The following BABAM2 variants were observed in gnomAD, a reference collection of about 807,000 sequenced individuals.
BABAM2 encodes the protein BRISC and BRCA1-A complex member 2.
Under a neutral mutation model 54.7 loss-of-function variants are expected in BABAM2, and 31 were observed. The ratio of observed to expected loss-of-function variants is 0.57; its 90% CI spans 0.43 to 0.77. BABAM2 has a LOEUF of 0.77. BABAM2 is among the 30% of genes least tolerant of loss of function. The pLI is 0.00. For missense variants in BABAM2, 364 were observed against 455.8 expected (o/e 0.80, Z 1.83); for synonymous variants, 167 against 162.9 (o/e 1.03, Z -0.19).
chr2:27,890,150 C>CACT (rs1664695210), upstream of BABAM2: 1 of 980,450 alleles, frequency 1.0e-6, no homozygotes, highest in African/African-American at 1.6e-5. This position sits in a 1 kb window ranked among gnomAD's most constrained non-coding sequence, Gnocchi z 4.8. Flanking sequence ...CCAAAGCTAG[C>CACT]ACTGTCTATC....
At chr2:28,323,342 G>A (rs760733044) in intron 11 of BABAM2, among the ~76,000 whole-genome samples, 27 of 152,202 alleles carry the variant, frequency 1.8e-4, no homozygotes, top group Admixed American at 6.5e-4. Flanking sequence ...GACCCGTGCA[G>A]CACCTCTGAT....
At chr2:28,109,730 T>C (rs1292212470) in intron 6 of BABAM2, among the ~76,000 whole-genome samples, 1 of 152,208 alleles carries the variant, frequency 6.6e-6, no homozygotes, top group Non-Finnish European at 1.5e-5. Context: ...CCGGGGTATA[T>C]GGACGTGACC....
rs191184438 is a variant in BABAM2, at chr2:28,116,220, C to T, written c.571-13051C>T. Reference sequence around the variant, plus strand: ...GGCTGGGAGAAATATATGGTATTTACACTGGTTCTCAGAGCTCATTTTCTG... The same window carrying T: ...GGCTGGGAGAAATATATGGTATTTATACTGGTTCTCAGAGCTCATTTTCTG... On this transcript the variant is annotated intron_variant, in intron 6 of 11. Transcript: ENST00000379624. Among the ~76,000 whole-genome samples the T allele has an allele frequency of 3.9e-5, 6 of 152,230 alleles. No individual in the cohort carries two copies. In the East Asian group the frequency reaches 1.2e-3, roughly 29 times the overall value.
chr2:28,077,566 G>A (rs754586730), intron 6 of BABAM2, among the ~76,000 whole-genome samples: 10 of 152,164 alleles, frequency 6.6e-5, no homozygotes, highest in Non-Finnish European at 1.5e-4. Context: ...GAAGATTACA[G>A]TTAGGGTTTT....
At chr2:27,928,256 C>T (rs113488131) in intron 2 of BABAM2, among the ~76,000 whole-genome samples, 4,724 of 152,072 alleles carry the variant, frequency 0.031, 103 homozygotes, top group South Asian at 0.1. Context: ...CCTCGTGATC[C>T]GCCTGCCTCA....
At chr2:28,245,424 A>G (rs1682829391) in intron 10 of BABAM2, among the ~76,000 whole-genome samples, 1 of 152,206 alleles carries the variant, frequency 6.6e-6, no homozygotes, top group African/African-American at 2.4e-5. Context: ...TAATGTTTTA[A>G]TGTATCCCCA....
intron 11 of BABAM2, among the ~76,000 whole-genome samples, chr2:28,319,395 A>G (rs949855801): frequency 6.6e-6 from 1 of 152,224 alleles, no homozygotes; most frequent in African/African-American, 2.4e-5. Context: ...CACAGGCTCA[A>G]TTTCAGCCCC....
intron 4 of BABAM2, among the ~76,000 whole-genome samples, chr2:28,005,983 T>C (rs993287381): frequency 1.7e-4 from 26 of 152,162 alleles, no homozygotes; most frequent in Admixed American, 1.6e-3. Flanking sequence ...TTGACAGTAA[T>C]TCCCTAGCAT....
At chr2:28,268,600 A>G (rs376147078) in intron 10 of BABAM2, among the ~76,000 whole-genome samples, 20 of 152,238 alleles carry the variant, frequency 1.3e-4, no homozygotes, top group East Asian at 7.7e-4. Context: ...TATTAGTTCT[A>G]AGAATGTGAC....
chr2:27,898,666 CTAAG>C lies in BABAM2; in HGVS notation c.128+3984_128+3987del, dbSNP rs551741792. On this transcript the variant is annotated intron_variant, in intron 2 of 11. Coordinates refer to ENST00000379624, the MANE Select transcript of BABAM2 (RefSeq NM_199191.3). ...CATGATGAACCTTGAAAACATTGTG[CTAAG>C]TGAGAGAAGCTCATTACAAAAGGTC... is the stretch of plus-strand genomic sequence containing the variant. Among the ~76,000 whole-genome samples the C allele has an allele frequency of 2.5e-3, 385 of 152,190 alleles. 1 individual carries two copies. Among genetic ancestry groups the C allele is most frequent in the African/African-American group, 8.8e-3 (364 of 41,504 alleles).
At chr2:27,975,439 A>G (rs931340679) in intron 3 of BABAM2, among the ~76,000 whole-genome samples, 1 of 152,122 alleles carries the variant, frequency 6.6e-6, no homozygotes, top group East Asian at 1.9e-4. Flanking sequence ...AAATATGGTC[A>G]ATGATTTTCC....
At chr2:28,336,191 A>G (rs868514515) in intron 11 of BABAM2, among the ~76,000 whole-genome samples, 2 of 152,152 alleles carry the variant, frequency 1.3e-5, no homozygotes, top group Admixed American at 1.3e-4. Flanking sequence ...GTGCCATCGA[A>G]AGATAAGACA....
At chr2:27,925,123 CT>C (rs1214900679) in intron 2 of BABAM2, among the ~76,000 whole-genome samples, 1 of 152,160 alleles carries the variant, frequency 6.6e-6, no homozygotes, top group African/African-American at 2.4e-5. Context: ...CTTCATACCC[CT>C]GTCCCCCATT....
At chr2:28,173,058 C>A (rs917039075) in intron 7 of BABAM2, among the ~76,000 whole-genome samples, 1 of 152,086 alleles carries the variant, frequency 6.6e-6, no homozygotes, top group Non-Finnish European at 1.5e-5. Context: ...AGACACTAAT[C>A]CCATTGAACC....
chr2:27,937,061 C>T (rs894846999), intron 3 of BABAM2, among the ~76,000 whole-genome samples: 1 of 151,992 alleles, frequency 6.6e-6, no homozygotes, highest in Admixed American at 6.6e-5. Flanking sequence ...CTCTTATATG[C>T]ACTGGGAAAC....
intron 2 of BABAM2, among the ~76,000 whole-genome samples, chr2:27,920,171 A>G (rs923771133): frequency 1.3e-5 from 2 of 152,124 alleles, no homozygotes; most frequent in Non-Finnish European, 1.5e-5. Flanking sequence ...TCTGAATGCA[A>G]TTTTGTCTTC....
intron 7 of BABAM2, among the ~76,000 whole-genome samples, chr2:28,236,711 A>G (rs1323171625): frequency 1.3e-5 from 2 of 152,220 alleles, no homozygotes; most frequent in Non-Finnish European, 2.9e-5. Context: ...TTCAGAATCA[A>G]CATTGTGTCT....
chr2:28,237,171 A>G, intron 7 of BABAM2, 31 bp from the exon 8 acceptor site: 1 of 1,582,976 alleles, frequency 6.3e-7, no homozygotes, highest in Non-Finnish European at 8.7e-7. Context: ...GAGCCCTAAG[A>G]GAAGTGTCCA....
At chr2:28,169,818 C>T (rs1674121617) in intron 7 of BABAM2, among the ~76,000 whole-genome samples, 1 of 147,252 alleles carries the variant, frequency 6.8e-6, no homozygotes, top group Non-Finnish European at 1.5e-5. Context: ...TTAGATATTA[C>T]AGTGTAGCAG....
Sources: allele counts gnomAD v4.1 joint callset (sites outside exome capture counted in the v4.1 genomes callset), GRCh38; gene constraint gnomAD v4.1.1; non-coding constraint Gnocchi (gnomAD v3.1); transcripts MANE v1.5; gene names NCBI Gene and HGNC (gene_info 2026-07-23, HGNC 2026-07-21).